KANSL1: variants seen among roughly 807,000 people sequenced by gnomAD.
KANSL1 encodes MLL1/MLL complex subunit KANSL1.
KANSL1 carries 22 observed loss-of-function variants against 103.6 expected under a neutral mutation model. The observed-to-expected ratio is 0.21, with a 90% CI of 0.15 to 0.30. The LOEUF (loss-of-function observed/expected upper bound fraction) is 0.30, where lower values mean the gene tolerates loss of function less well. Among genes scored for constraint, KANSL1 ranks in the 10% least tolerant of loss-of-function variants. KANSL1 has a pLI of 1.00. For synonymous variants in KANSL1, 600 were observed against 527.6 expected (o/e 1.14, Z -1.88); for missense variants, 1,337 against 1,399.8 (o/e 0.96, Z 0.72).
intron 2 of KANSL1, among the ~76,000 whole-genome samples, chr17:46,143,803 CAAAAAAA>C (rs57361021): frequency 7.0e-5 from 6 of 85,526 alleles, no homozygotes; most frequent in Admixed American, 1.3e-4. Context: ...GACTCCATCT[CAAAAAAA>C]AAAAAAAAAA....
At chr17:46,090,875 A>G (rs186008929) in intron 3 of KANSL1, among the ~76,000 whole-genome samples, 58 of 152,402 alleles carry the variant, frequency 3.8e-4, no homozygotes, top group African/African-American at 1.4e-3. Context: ...ACAATTATGT[A>G]CACTAAGAAT....
intron 2 of KANSL1, among the ~76,000 whole-genome samples, chr17:46,140,221 T>C (rs1409852728): frequency 3.3e-5 from 5 of 152,166 alleles, no homozygotes; most frequent in African/African-American, 1.2e-4. Flanking sequence ...ATATGTAATC[T>C]ATACAACCGG....
chr17:46,190,026 C>T (rs2047236516), intron 1 of KANSL1, among the ~76,000 whole-genome samples: 1 of 152,170 alleles, frequency 6.6e-6, no homozygotes, highest in South Asian at 2.1e-4. Context: ...CCACAACACC[C>T]CTATGTTTAC....
intron 1 of KANSL1, among the ~76,000 whole-genome samples, chr17:46,220,636 C>T (rs2148066373): frequency 6.6e-6 from 1 of 152,396 alleles, no homozygotes; most frequent in Non-Finnish European, 1.5e-5. Flanking sequence ...AATTCCTAGA[C>T]CTAACAGGTA....
chr17:46,154,646 T>A (rs2045316249), intron 2 of KANSL1, among the ~76,000 whole-genome samples: 1 of 152,182 alleles, frequency 6.6e-6, no homozygotes, highest in Non-Finnish European at 1.5e-5. Context: ...TTAAAAGTGG[T>A]CTGACTCACC....
intron 2 of KANSL1, among the ~76,000 whole-genome samples, chr17:46,167,191 T>C (rs532849600): frequency 2.0e-4 from 30 of 151,700 alleles, no homozygotes; most frequent in Non-Finnish European, 3.5e-4. Flanking sequence ...TATATAGAAG[T>C]TTATAAGCAC....
chr17:46,131,567 C>T (rs1222300816), intron 2 of KANSL1, among the ~76,000 whole-genome samples: 9 of 152,182 alleles, frequency 5.9e-5, no homozygotes, highest in Admixed American at 6.5e-5. Flanking sequence ...AATGACAACC[C>T]ATCATCTTCA....
At position 46,062,122 on chromosome 17, in the gene KANSL1, A is replaced by C. The variant is rs1212020591; in HGVS notation, c.1848+4415T>G. ...AAAAAAAAAAAAACAAACAAACAAA[A>C]AAAAAAAAAAAACATGTTACAGCAG... On this transcript the variant is annotated intron_variant, in intron 6 of 14. Transcript: ENST00000432791. Among the ~76,000 whole-genome samples the C allele has an allele frequency of 5.5e-3, 450 of 81,158 alleles. 5 individuals are homozygous for C. The highest frequency in any genetic ancestry group is 0.018 in the African/African-American group (364 of 20,600). 53.2% of individuals were successfully genotyped at this position (81,158 alleles called of 152,430 possible).
chr17:46,099,036 A>T (rs1200178500), intron 2 of KANSL1, among the ~76,000 whole-genome samples: 1 of 147,424 alleles, frequency 6.8e-6, no homozygotes, highest in Non-Finnish European at 1.5e-5. Context: ...CTTAACAAAT[A>T]CAAGCGGCCG....
chr17:46,079,832 C>A (rs141560852), intron 4 of KANSL1, among the ~76,000 whole-genome samples: 4,055 of 152,102 alleles, frequency 0.027, 68 homozygotes, highest in Non-Finnish European at 0.034. Context: ...CAAAAATTAG[C>A]CAGACATGGT....
At chr17:46,044,479 T>C (rs2077434869) in intron 7 of KANSL1, 1 of 152,226 alleles carries the variant, frequency 6.6e-6, no homozygotes, top group Non-Finnish European at 1.5e-5. Flanking sequence ...TAGCCTCATG[T>C]GCAGGGTTTG....
intron 13 of KANSL1, chr17:46,032,701 G>T: frequency 3.0e-6 from 1 of 334,228 alleles, no homozygotes; most frequent in Non-Finnish European, 5.4e-6. Context: ...GACGTTAAGG[G>T]GGGGCAGTTT....
intron 10 of KANSL1, chr17:46,035,946 A>C (rs551544509): frequency 7.2e-5 from 11 of 152,126 alleles, no homozygotes; most frequent in African/African-American, 2.6e-4. Flanking sequence ...ATTTAGAGCC[A>C]GAGATAGAGA....
At chr17:46,126,239 C>A (rs960743195) in intron 2 of KANSL1, among the ~76,000 whole-genome samples, 1 of 152,106 alleles carries the variant, frequency 6.6e-6, no homozygotes, top group East Asian at 1.9e-4. Flanking sequence ...GTCAGGAGTT[C>A]GAGACCAGCC....
At chr17:46,065,683 T>C (rs1210386078) in intron 6 of KANSL1, among the ~76,000 whole-genome samples, 1 of 152,182 alleles carries the variant, frequency 6.6e-6, no homozygotes. Flanking sequence ...TCAAAGATAA[T>C]GCTCTTAATT....
At chr17:46,149,616 T>C (rs1168967155) in intron 2 of KANSL1, among the ~76,000 whole-genome samples, 9 of 152,276 alleles carry the variant, frequency 5.9e-5, no homozygotes, top group African/African-American at 1.9e-4. Context: ...TAGACTGCAT[T>C]TGGCATACAG....
At chr17:46,194,163 G>A (rs2047523731), upstream of KANSL1, among the ~76,000 whole-genome samples, 1 of 152,246 alleles carries the variant, frequency 6.6e-6, no homozygotes, top group Admixed American at 6.5e-5. Flanking sequence ...TGGCCCCGCC[G>A]GCGCCGGGCC....
intron 7 of KANSL1, chr17:46,040,214 CAT>C (rs1404499989): frequency 6.0e-6 from 2 of 333,164 alleles, no homozygotes; most frequent in Admixed American, 4.5e-5. Context: ...GATTTAAAAA[CAT>C]ATTTAAGCCT....
At chr17:46,047,442 C>G (rs1316016478) in intron 7 of KANSL1, among the ~76,000 whole-genome samples, 2 of 152,170 alleles carry the variant, frequency 1.3e-5, no homozygotes, top group Non-Finnish European at 2.9e-5. Flanking sequence ...CATGAACTGA[C>G]ATCAATTATA....
Sources: gnomAD v4.1 joint callset for allele counts (sites outside exome capture counted in the v4.1 genomes callset) on GRCh38, gnomAD v4.1.1 for gene constraint, MANE v1.5 for transcripts, NCBI Gene and HGNC (gene_info 2026-07-23, HGNC 2026-07-21) for gene names.